The following CTIF variants were observed in gnomAD, a reference collection of about 807,000 sequenced individuals.
The protein encoded by CTIF is cap binding complex dependent translation initiation factor, also known as CBP80/20-dependent translation initiation factor.
CTIF carries 21 observed loss-of-function variants against 66.0 expected under a neutral mutation model. That is an observed-to-expected ratio of 0.32 (90% confidence interval 0.23 to 0.46). The LOEUF (loss-of-function observed/expected upper bound fraction) is 0.46. Ranked by LOEUF, CTIF falls within the 20% of genes least tolerant of loss-of-function variation. The pLI is 1.00. For synonymous variants in CTIF, 345 were observed against 326.4 expected (o/e 1.06, Z -0.62); for missense variants, 739 against 812.7 (o/e 0.91, Z 1.10).
At chr18:48,624,382 C>T (rs1037557860) in intron 2 of CTIF, among the ~76,000 whole-genome samples, 5 of 152,198 alleles carry the variant, frequency 3.3e-5, no homozygotes, top group African/African-American at 7.2e-5. Context: ...ACCCCACCTA[C>T]TTCTGGTTTC....
chr18:48,800,399 G>C (rs561009835), intron 9 of CTIF, among the ~76,000 whole-genome samples: 10 of 152,270 alleles, frequency 6.6e-5, no homozygotes, highest in Admixed American at 2.0e-4. Context: ...GGCAAAACTA[G>C]GGCCAGCCGG....
At chr18:48,598,840 G>C (rs746122914) in intron 1 of CTIF, among the ~76,000 whole-genome samples, 2 of 152,166 alleles carry the variant, frequency 1.3e-5, no homozygotes, top group Non-Finnish European at 2.9e-5. Context: ...GACCCAGAAC[G>C]GAGACACTGT....
Position 48,860,253 on chromosome 18 carries a change from T to C in CTIF, c.*694T>C, listed in dbSNP as rs531928698. 122 of 309,718 alleles carry C rather than the reference T, an allele frequency of 3.9e-4. No individual in the cohort carries two copies. Among genetic ancestry groups the C allele is most frequent in the African/African-American group, 2.4e-3 (113 of 46,390 alleles). 19.2% of individuals were successfully genotyped at this position (309,718 alleles called of 1,614,324 possible). On this transcript the variant is annotated 3_prime_UTR_variant, in exon 12 of 12. Coordinates refer to ENST00000256413, the MANE Select transcript of CTIF (RefSeq NM_014772.3). ...AGTTCCACTTGCACTCTTTTGTTTA[T>C]TGTGTTTTATTTTTCAAAAGTCGGT...
chr18:48,731,461 C>G (rs543700503), intron 7 of CTIF, among the ~76,000 whole-genome samples: 15 of 152,338 alleles, frequency 9.8e-5, no homozygotes, highest in African/African-American at 3.6e-4. Context: ...TCCCCACCCT[C>G]TATGCCTGAG....
intron 6 of CTIF, among the ~76,000 whole-genome samples, chr18:48,699,630 G>C (rs1406061528): frequency 6.6e-6 from 1 of 152,202 alleles, no homozygotes; most frequent in Non-Finnish European, 1.5e-5. Context: ...AGACGCAAGT[G>C]CTTACGAAGC....
chr18:48,747,080 C>T (rs978125878), intron 7 of CTIF, among the ~76,000 whole-genome samples: 6 of 152,232 alleles, frequency 3.9e-5, no homozygotes, highest in South Asian at 2.1e-4. Context: ...ACCTGAGCCC[C>T]GACACGTAAC....
At chr18:48,703,805 A>G (rs2092115809) in intron 6 of CTIF, among the ~76,000 whole-genome samples, 2 of 152,276 alleles carry the variant, frequency 1.3e-5, no homozygotes, top group Admixed American at 6.5e-5. Context: ...AGTGAAGGGC[A>G]GGGTGGGCTT....
intron 1 of CTIF, among the ~76,000 whole-genome samples, chr18:48,600,478 T>C (rs935083351): frequency 3.3e-5 from 5 of 152,088 alleles, no homozygotes; most frequent in African/African-American, 1.2e-4. Context: ...TACTCTGTCT[T>C]CTCCTTGCCA....
At chr18:48,575,349 C>A (rs1044229626) in intron 1 of CTIF, among the ~76,000 whole-genome samples, 1 of 152,238 alleles carries the variant, frequency 6.6e-6, no homozygotes, top group African/African-American at 2.4e-5. Context: ...CATCTTCAAC[C>A]CACTGGGATC....
At chr18:48,725,259 G>A (rs1196739034) in intron 7 of CTIF, among the ~76,000 whole-genome samples, 1 of 152,166 alleles carries the variant, frequency 6.6e-6, no homozygotes, top group Non-Finnish European at 1.5e-5. Flanking sequence ...CACTTAGAGG[G>A]CAGGATTCTG....
At chr18:48,560,460 T>C (rs1335565293) in intron 1 of CTIF, among the ~76,000 whole-genome samples, 1 of 152,038 alleles carries the variant, frequency 6.6e-6, no homozygotes, top group Non-Finnish European at 1.5e-5. Flanking sequence ...CTCCTGACCT[T>C]GTGATCTGCC....
intron 1 of CTIF, among the ~76,000 whole-genome samples, chr18:48,617,192 TA>T (rs1249416716): frequency 1.3e-5 from 2 of 152,178 alleles, no homozygotes; most frequent in Non-Finnish European, 2.9e-5. Context: ...TGCTCTCAAC[TA>T]CTAGAGGCTG....
intron 1 of CTIF, among the ~76,000 whole-genome samples, chr18:48,569,713 G>T (rs992763539): frequency 6.6e-6 from 1 of 152,026 alleles, no homozygotes; most frequent in African/African-American, 2.4e-5. Flanking sequence ...AGTTCGCAGA[G>T]GTTGATGGTG....
chr18:48,601,078 G>A (rs1051360405), intron 1 of CTIF, among the ~76,000 whole-genome samples: 9 of 152,270 alleles, frequency 5.9e-5, no homozygotes, highest in South Asian at 2.1e-4. Context: ...TCTGGCCTGC[G>A]GAGAAGGGTA....
At chr18:48,703,859 G>A (rs1379965770) in intron 6 of CTIF, among the ~76,000 whole-genome samples, 1 of 152,220 alleles carries the variant, frequency 6.6e-6, no homozygotes, top group Non-Finnish European at 1.5e-5. Flanking sequence ...AGGGAGGCGA[G>A]CAGGTGAGCC....
chr18:48,746,477 G>A (rs954688322), intron 7 of CTIF, among the ~76,000 whole-genome samples: 7 of 150,976 alleles, frequency 4.6e-5, no homozygotes, highest in South Asian at 2.1e-4. Context: ...AAGATCAGGC[G>A]CAGGGACAAG....
At chr18:48,809,569 A>C (rs924722564) in intron 9 of CTIF, among the ~76,000 whole-genome samples, 4 of 152,112 alleles carry the variant, frequency 2.6e-5, no homozygotes, top group African/African-American at 9.6e-5. Flanking sequence ...TTTATAGGGA[A>C]CTGGTTGGAA....
intron 3 of CTIF, among the ~76,000 whole-genome samples, chr18:48,646,020 C>G (rs1288084188): frequency 6.6e-6 from 1 of 152,152 alleles, no homozygotes; most frequent in Non-Finnish European, 1.5e-5. Flanking sequence ...TGTCATATCA[C>G]AAACAAACTG....
intron 9 of CTIF, among the ~76,000 whole-genome samples, chr18:48,772,449 A>G (rs1910243114): frequency 8.2e-6 from 1 of 121,776 alleles, no homozygotes; most frequent in Non-Finnish European, 1.8e-5. Context: ...TCATCACCCC[A>G]AACAAAAGCC....
Sources: allele counts gnomAD v4.1 joint callset (sites outside exome capture counted in the v4.1 genomes callset), GRCh38; gene constraint gnomAD v4.1.1; transcripts MANE v1.5; gene names NCBI Gene and HGNC (gene_info 2026-07-23, HGNC 2026-07-21).